The following MSH3 variants were observed in gnomAD, a reference collection of about 807,000 sequenced individuals.
MSH3 encodes the protein mutS homolog 3, also known as DNA mismatch repair protein Msh3.
In MSH3, 106 loss-of-function variants were observed where a neutral mutation model predicts 123.3. The observed-to-expected ratio is 0.86, with a 90% CI of 0.73 to 1.01. MSH3 has a LOEUF of 1.01. MSH3 is among the 50% of genes least tolerant of loss of function. MSH3 has a pLI of 0.00. For missense variants in MSH3, 1,459 were observed against 1,347.6 expected, an observed-to-expected ratio of 1.08 and a Z score of -1.29; for synonymous variants, 515 against 481.4, an observed-to-expected ratio of 1.07 and a Z score of -0.91.
At chr5:80,800,445 C>G (rs954877896) in intron 19 of MSH3, among the ~76,000 whole-genome samples, 3 of 152,186 alleles carry the variant, frequency 2.0e-5, no homozygotes, top group African/African-American at 7.2e-5. Flanking sequence ...CTCATGCTAA[C>G]TGGTCCTGCC....
At chr5:80,715,374 T>G (rs1276375673) in intron 8 of MSH3, 1 of 152,178 alleles carries the variant, frequency 6.6e-6, no homozygotes, top group African/African-American at 2.4e-5. Context: ...GATGATGACT[T>G]GAATGGAGAC....
chr5:80,799,103 C>T (rs1418789347), intron 19 of MSH3, among the ~76,000 whole-genome samples: 3 of 152,150 alleles, frequency 2.0e-5, no homozygotes, highest in Non-Finnish European at 4.4e-5. Flanking sequence ...GCCTTAGTTT[C>T]CTCATCTGTA....
intron 20 of MSH3, among the ~76,000 whole-genome samples, chr5:80,817,258 G>A (rs1021127538): frequency 1.3e-5 from 2 of 152,070 alleles, no homozygotes; most frequent in Non-Finnish European, 2.9e-5. Context: ...AGTGCTGAAA[G>A]GTCAGGTGAG....
chr5:80,697,982 A>G (rs187264593), intron 8 of MSH3, among the ~76,000 whole-genome samples: 152 of 152,104 alleles, frequency 1.0e-3, no homozygotes, highest in African/African-American at 3.5e-3. Flanking sequence ...ATCGTGGTTC[A>G]CTGTAGCCTT....
intron 13 of MSH3, among the ~76,000 whole-genome samples, chr5:80,766,494 G>A (rs1267329899): frequency 6.6e-6 from 1 of 151,690 alleles, no homozygotes; most frequent in Non-Finnish European, 1.5e-5. Context: ...ACAGGCGAGC[G>A]CCACCACACC....
At chr5:80,753,827 T>C (rs896439862) in intron 12 of MSH3, among the ~76,000 whole-genome samples, 2 of 152,290 alleles carry the variant, frequency 1.3e-5, no homozygotes, top group East Asian at 1.9e-4. Context: ...AGAACTGATA[T>C]TCAGCAGTGG....
chr5:80,804,608 C>G (rs1489079821), intron 19 of MSH3, among the ~76,000 whole-genome samples: 1 of 152,170 alleles, frequency 6.6e-6, no homozygotes, highest in Non-Finnish European at 1.5e-5. Context: ...TCTTGTTGTC[C>G]TCCTTTACTT....
At chr5:80,829,389 T>C (rs918403521) in intron 20 of MSH3, among the ~76,000 whole-genome samples, 1 of 152,230 alleles carries the variant, frequency 6.6e-6, no homozygotes, top group Non-Finnish European at 1.5e-5. Context: ...GAATATTCCT[T>C]ATCAAGTTGA....
chr5:80,851,627 A>G (rs1580089949), intron 20 of MSH3, among the ~76,000 whole-genome samples: 1 of 152,162 alleles, frequency 6.6e-6, no homozygotes, highest in Non-Finnish European at 1.5e-5. Context: ...TTTGCTAAAT[A>G]TATGTTTTGA....
At chr5:80,692,753 G>A (rs901847340) in intron 8 of MSH3, among the ~76,000 whole-genome samples, 3 of 96,916 alleles carry the variant, frequency 3.1e-5, no homozygotes, top group Admixed American at 2.9e-4. Flanking sequence ...TATATGTTTA[G>A]ATAAATATAC....
chr5:80,785,856 T>C (rs985317239), intron 17 of MSH3, among the ~76,000 whole-genome samples: 11 of 152,010 alleles, frequency 7.2e-5, no homozygotes, highest in African/African-American at 1.7e-4. Context: ...ATGGATGAAA[T>C]TGGAAATCAT....
At chr5:80,826,496 C>G (rs2112072681) in intron 20 of MSH3, among the ~76,000 whole-genome samples, 1 of 150,518 alleles carries the variant, frequency 6.6e-6, no homozygotes, top group South Asian at 2.1e-4. Context: ...ATACAGTGTG[C>G]AAGAAGAAGA....
chr5:80,670,175 T>G lies in MSH3; in HGVS notation c.658T>G (p.Ser220Ala). The part of the protein sequence containing the change: ...HENLQKTASK[S>A]ANKRSKSIYT... ...AAATTTACAGAAAACTGCTTCCAAA[T>G]CAGCTAACAAACGGTCCAAAAGCAT... Residue 220 changes from serine to alanine, a missense_variant, in exon 4 of 24, where the codon TCA becomes GCA. Coordinates refer to ENST00000265081, the MANE Select transcript of MSH3 (RefSeq NM_002439.5). The G allele has an allele frequency of 6.2e-7, 1 of 1,614,136 alleles. No individual in the cohort carries two copies. Among genetic ancestry groups the G allele is most frequent in the Non-Finnish European group, 8.5e-7 (1 of 1,180,010 alleles).
chr5:80,754,932 C>T (rs970578949), intron 12 of MSH3, among the ~76,000 whole-genome samples: 2 of 152,168 alleles, frequency 1.3e-5, no homozygotes, highest in African/African-American at 4.8e-5. Context: ...CCAAATGTCA[C>T]TTTTAACTCT....
At chr5:80,719,626 T>C (rs1260396201) in intron 8 of MSH3, among the ~76,000 whole-genome samples, 1 of 152,226 alleles carries the variant, frequency 6.6e-6, no homozygotes, top group Non-Finnish European at 1.5e-5. Flanking sequence ...TTATATATTA[T>C]AAAATGCCAT....
At chr5:80,797,983 A>G (rs955768004) in intron 19 of MSH3, among the ~76,000 whole-genome samples, 8 of 152,270 alleles carry the variant, frequency 5.3e-5, no homozygotes, top group African/African-American at 1.9e-4. Flanking sequence ...TGGATTTTCA[A>G]CAGCAGTTAA....
chr5:80,693,149 TTATA>T (rs1168694359), intron 8 of MSH3, among the ~76,000 whole-genome samples: 4 of 95,310 alleles, frequency 4.2e-5, no homozygotes, highest in African/African-American at 1.8e-4. Flanking sequence ...ATGTATATGT[TTATA>T]TAGATAAATA....
At chr5:80,826,031 G>A (rs1334809469) in intron 20 of MSH3, among the ~76,000 whole-genome samples, 4 of 152,176 alleles carry the variant, frequency 2.6e-5, no homozygotes, top group African/African-American at 9.7e-5. Flanking sequence ...GCTCAGGTGT[G>A]GAAACAAATT....
intron 20 of MSH3, among the ~76,000 whole-genome samples, chr5:80,819,327 C>CAT (rs1745159697): frequency 6.7e-6 from 1 of 150,330 alleles, no homozygotes; most frequent in South Asian, 2.1e-4. Flanking sequence ...CCCAGTTCCC[C>CAT]ATATATGTGT....
Sources: gnomAD v4.1 joint callset for allele counts (sites outside exome capture counted in the v4.1 genomes callset) on GRCh38, gnomAD v4.1.1 for gene constraint, MANE v1.5 for transcripts, NCBI Gene and HGNC (gene_info 2026-07-23, HGNC 2026-07-21) for gene names.